Variants in EYA1 observed in about 807,000 individuals in gnomAD.
EYA1 encodes EYA transcriptional coactivator and phosphatase 1, also known as protein phosphatase EYA1.
In EYA1, 16 loss-of-function variants were observed where a neutral mutation model predicts 82.0. The observed-to-expected ratio is 0.20, with a 90% CI of 0.13 to 0.30. The LOEUF (loss-of-function observed/expected upper bound fraction) is 0.30, where lower values mean the gene tolerates loss of function less well. Among genes scored for constraint, EYA1 ranks in the 10% least tolerant of loss-of-function variants. The pLI, the probability that EYA1 is intolerant of heterozygous loss-of-function variation, is 1.00. For synonymous variants in EYA1, 261 were observed against 264.4 expected (o/e 0.99, Z 0.12); for missense variants, 633 against 730.7 (o/e 0.87, Z 1.54).
intron 3 of EYA1, among the ~76,000 whole-genome samples, chr8:71,353,468 T>C (rs1826511657): frequency 6.6e-6 from 1 of 152,250 alleles, no homozygotes; most frequent in Non-Finnish European, 1.5e-5. Flanking sequence ...CATTCAGAGA[T>C]TAATTTTCTG....
intron 3 of EYA1, among the ~76,000 whole-genome samples, chr8:71,335,132 A>G (rs532372276): frequency 1.3e-5 from 2 of 152,320 alleles, no homozygotes; most frequent in East Asian, 3.9e-4. Context: ...TTTCTTAGTA[A>G]CAGATTTTCA....
rs530357469 is a variant in EYA1 at position 71,416,476 on chromosome 8, A to T, written c.34-59965T>A. Reference sequence around the variant, plus strand: ...TACTGCTCTAATAAAAATATTTGAGATGCAAAATGGAAAAACAGAATTTTA... The same window carrying T: ...TACTGCTCTAATAAAAATATTTGAGTTGCAAAATGGAAAAACAGAATTTTA... On this transcript the variant is annotated intron_variant, in intron 2 of 18. Transcript: ENST00000643681. Among the ~76,000 whole-genome samples the T allele has an allele frequency of 2.0e-5, 3 of 152,338 alleles. No individual in the cohort carries two copies. The East Asian group carries it at 5.8e-4, about 29-fold the overall frequency.
chr8:71,496,963 C>T (rs1055093375), intron 2 of EYA1, among the ~76,000 whole-genome samples: 1 of 149,620 alleles, frequency 6.7e-6, no homozygotes, highest in Non-Finnish European at 1.5e-5. Context: ...CATATGACCC[C>T]AAAAGCACAG....
In EYA1 at chr8:71,251,286, C is replaced by T. The variant is rs141565370; in HGVS notation, c.1051-6594G>A. The stretch of plus-strand genomic sequence containing the variant: ...CTCAAAAGGAAAAAAATACAGTCAA[C>T]TGTTTTATCAATTTTCTTGTTTAAC... On this transcript the variant is annotated intron_variant, in intron 11 of 17. Transcript: ENST00000340726. Among the ~76,000 whole-genome samples the T allele has an allele frequency of 1.2e-3, 185 of 152,232 alleles. 3 individuals are homozygous for T. The South Asian group carries it at 0.018, about 15-fold the overall frequency.
chr8:71,333,223 A>C (rs6472583), intron 4 of EYA1, among the ~76,000 whole-genome samples: 2 of 152,280 alleles, frequency 1.3e-5, no homozygotes, highest in South Asian at 2.1e-4. Context: ...AATTTTTATC[A>C]CTTTCACCTG....
At chr8:71,470,922 T>C in intron 2 of EYA1, 1 of 454,098 alleles carries the variant, frequency 2.2e-6, no homozygotes, top group Middle Eastern at 3.3e-4. Flanking sequence ...TGAACAGCAG[T>C]GCCAATGGGC....
At chr8:71,519,008 G>A (rs1007491447) in intron 2 of EYA1, among the ~76,000 whole-genome samples, 2 of 152,100 alleles carry the variant, frequency 1.3e-5, no homozygotes, top group African/African-American at 4.8e-5. Flanking sequence ...AGCAGTATTT[G>A]CCATTTATAT....
At chr8:71,497,790 T>G (rs1051622522) in intron 2 of EYA1, among the ~76,000 whole-genome samples, 7 of 152,270 alleles carry the variant, frequency 4.6e-5, no homozygotes, top group Admixed American at 4.6e-4. Context: ...TTATTCACAA[T>G]AGCCGAGTTA....
intron 2 of EYA1, among the ~76,000 whole-genome samples, chr8:71,458,488 C>T (rs1200013296): frequency 1.3e-5 from 2 of 151,704 alleles, no homozygotes; most frequent in Non-Finnish European, 2.9e-5. Context: ...CATCACCAGC[C>T]ATATTCTATT....
intron 11 of EYA1, among the ~76,000 whole-genome samples, chr8:71,261,739 A>G (rs1210873167): frequency 6.6e-6 from 1 of 152,202 alleles, no homozygotes. Flanking sequence ...TAAAGCCAGC[A>G]TGGACCTGGC....
chr8:71,456,419 A>G (rs1385389645), intron 2 of EYA1, among the ~76,000 whole-genome samples: 1 of 152,218 alleles, frequency 6.6e-6, no homozygotes, highest in Non-Finnish European at 1.5e-5. Context: ...TAAAGTTCAT[A>G]TGGAACCAAA....
At chr8:71,342,474 T>C (rs1349188369) in intron 3 of EYA1, among the ~76,000 whole-genome samples, 2 of 152,144 alleles carry the variant, frequency 1.3e-5, no homozygotes, top group Non-Finnish European at 2.9e-5. Context: ...TCCTTGAAGC[T>C]GGGCCAGACC....
intron 2 of EYA1, among the ~76,000 whole-genome samples, chr8:71,406,793 G>A (rs776185299): frequency 0.018 from 2,665 of 147,306 alleles, 55 homozygotes; most frequent in Non-Finnish European, 0.031. Flanking sequence ...AGCGAGGCTG[G>A]GGGAGGGGCG....
At chr8:71,532,150 C>G (rs1051508789) in intron 2 of EYA1, among the ~76,000 whole-genome samples, 1 of 152,110 alleles carries the variant, frequency 6.6e-6, no homozygotes, top group African/African-American at 2.4e-5. Flanking sequence ...TCATCAGTTC[C>G]CTCAGAATTT....
chr8:71,278,400 G>A (rs1307000323), intron 9 of EYA1, among the ~76,000 whole-genome samples: 1 of 152,092 alleles, frequency 6.6e-6, no homozygotes, highest in Non-Finnish European at 1.5e-5. Context: ...GTTTTCAAAG[G>A]ACTGTATCAA....
Position 71,530,636 on chromosome 8 carries a change from T to C in EYA1, c.33+5108A>G, listed in dbSNP as rs545801142. Among the ~76,000 whole-genome samples the C allele has an allele frequency of 3.9e-5, 6 of 152,354 alleles. No homozygotes were observed. The South Asian group carries it at 6.2e-4, about 16-fold the overall frequency. On this transcript the variant is annotated intron_variant, in intron 2 of 18. Coordinates refer to the EYA1 transcript ENST00000643681. ...CACTTCTACATGTGTATTATACTTG[T>C]ATAACTACTTTTAGTAACTTCTGCT...
At chr8:71,492,386 CAGG>C (rs1212362428) in intron 2 of EYA1, among the ~76,000 whole-genome samples, 1 of 151,948 alleles carries the variant, frequency 6.6e-6, no homozygotes, top group Non-Finnish European at 1.5e-5. Flanking sequence ...GAGATGGTAG[CAGG>C]AGAAGGTAAG....
chr8:71,376,406 T>C (rs1040455621), intron 2 of EYA1, among the ~76,000 whole-genome samples: 22 of 152,294 alleles, frequency 1.4e-4, no homozygotes, highest in Middle Eastern at 6.8e-3. Context: ...TAAAGGTGGC[T>C]TTTGTTTGTT....
chr8:71,331,850 G>A (rs1186836322), intron 4 of EYA1, among the ~76,000 whole-genome samples: 2 of 151,664 alleles, frequency 1.3e-5, no homozygotes, highest in Non-Finnish European at 2.9e-5. Flanking sequence ...TTTTGTTTTT[G>A]TTTTGTTTTT....
Sources: allele counts gnomAD v4.1 joint callset (sites outside exome capture counted in the v4.1 genomes callset), GRCh38; gene constraint gnomAD v4.1.1; transcripts MANE v1.5; gene names NCBI Gene and HGNC (gene_info 2026-07-23, HGNC 2026-07-21).